Variants in GAD2 observed in about 807,000 individuals in gnomAD.
GAD2 encodes 65 kDa glutamic acid decarboxylase.
Under a neutral mutation model 80.1 loss-of-function variants are expected in GAD2, and 22 were observed. That is an observed-to-expected ratio of 0.27 (90% CI 0.20 to 0.39). The LOEUF (loss-of-function observed/expected upper bound fraction) is 0.39. Among genes scored for constraint, GAD2 ranks in the 10% least tolerant of loss-of-function variants. The pLI, the probability that GAD2 is intolerant of heterozygous loss-of-function variation, is 1.00. For synonymous variants in GAD2, 274 were observed against 256.9 expected (o/e 1.07, Z -0.64); for missense variants, 624 against 738.4 (o/e 0.85, Z 1.80).
chr10:26,232,456 T>C (rs1239511147), intron 7 of GAD2, among the ~76,000 whole-genome samples: 1 of 150,468 alleles, frequency 6.6e-6, no homozygotes, highest in Admixed American at 6.6e-5. Context: ...CCTGATACTG[T>C]AAACTCAGTC....
chr10:26,264,814 G>A (rs540874848), intron 8 of GAD2, among the ~76,000 whole-genome samples: 31 of 152,314 alleles, frequency 2.0e-4, no homozygotes, highest in Non-Finnish European at 4.1e-4. Context: ...CAGGAAGGAT[G>A]TACGCATACT....
intron 13 of GAD2, among the ~76,000 whole-genome samples, chr10:26,288,386 G>A (rs1351072369): frequency 6.6e-6 from 1 of 152,186 alleles, no homozygotes; most frequent in Admixed American, 6.5e-5. Flanking sequence ...AAGCTCCACT[G>A]TGTTGCCTGG....
intron 7 of GAD2, among the ~76,000 whole-genome samples, chr10:26,240,246 A>G (rs184905839): frequency 5.9e-5 from 9 of 152,344 alleles, no homozygotes; most frequent in African/African-American, 2.2e-4. Context: ...TGCACCCTCC[A>G]GTCTAGGGCT....
chr10:26,278,438 CCTTTT>C (rs1395294202), intron 11 of GAD2, among the ~76,000 whole-genome samples: 2 of 152,180 alleles, frequency 1.3e-5, no homozygotes, highest in African/African-American at 4.8e-5. Context: ...TTATTATTCT[CCTTTT>C]CTAGTTGAGG....
chr10:26,251,724 G>T (rs1375406936), intron 8 of GAD2, among the ~76,000 whole-genome samples: 3 of 152,162 alleles, frequency 2.0e-5, no homozygotes, highest in Non-Finnish European at 2.9e-5. Flanking sequence ...CCTTGCAAAA[G>T]ATTTCATCAA....
In GAD2 at chr10:26,271,875, T is replaced by C. The variant is rs182750625; in HGVS notation, c.1092+1119T>C. Among the ~76,000 whole-genome samples, 12 of 152,278 alleles carry C rather than the reference T, an allele frequency of 7.9e-5. No individual in the cohort carries two copies. The East Asian group carries it at 2.1e-3, about 27-fold the overall frequency. ...CCAGGGTTCAAGCAATTCTCCTGCC[T>C]CAGCTTCCTGAGTAGCTGGGATTAC... is the stretch of plus-strand genomic sequence containing the variant. On this transcript the variant is annotated intron_variant, in intron 10 of 15. Coordinates refer to ENST00000376261, the MANE Select transcript of GAD2 (RefSeq NM_001134366.2).
intron 7 of GAD2, among the ~76,000 whole-genome samples, chr10:26,232,359 C>A (rs1023238039): frequency 2.0e-5 from 3 of 152,100 alleles, no homozygotes; most frequent in Non-Finnish European, 4.4e-5. Flanking sequence ...AGCTTCTCAG[C>A]CTCATGCTTT....
chr10:26,235,679 A>T (rs888164874), intron 7 of GAD2, among the ~76,000 whole-genome samples: 2 of 152,206 alleles, frequency 1.3e-5, no homozygotes, highest in Admixed American at 6.5e-5. Flanking sequence ...CTGGAATCTC[A>T]TCCCGTTCCC....
chr10:26,232,260 C>T (rs1038855246), intron 7 of GAD2, among the ~76,000 whole-genome samples: 3 of 152,112 alleles, frequency 2.0e-5, no homozygotes, highest in African/African-American at 7.2e-5. Context: ...TTTCTTTTGG[C>T]TTCCAAGCTG....
At chr10:26,298,133 G>C (rs984568642) in intron 15 of GAD2, among the ~76,000 whole-genome samples, 16 of 152,192 alleles carry the variant, frequency 1.1e-4, no homozygotes, top group Non-Finnish European at 2.1e-4. Context: ...GGTCTGGTTA[G>C]TAAATCAGGG....
At position 26,217,275 on chromosome 10, in the gene GAD2, C is replaced by G. The variant is rs2132267165; in HGVS notation, c.77-335C>G. On this transcript the variant is annotated intron_variant, in intron 1 of 15. Coordinates refer to ENST00000376261, the MANE Select transcript of GAD2 (RefSeq NM_001134366.2). The surrounding 1 kb of genome is among the most constrained non-coding windows in gnomAD (Gnocchi z 4.9). ...TGAGAGATTTCTTTATCTAGAAAGA[C>G]AGTCTGCGAAAAAATGGATAGCTTC... is the stretch of plus-strand genomic sequence containing the variant. Among the ~76,000 whole-genome samples, 1 of 152,180 alleles carries G rather than the reference C, an allele frequency of 6.6e-6. No individual in the cohort carries two copies. The highest frequency in any genetic ancestry group is 1.9e-4 in the East Asian group (1 of 5,176).
At chr10:26,226,204 CT>C (rs1332101718) in intron 6 of GAD2, among the ~76,000 whole-genome samples, 5 of 152,126 alleles carry the variant, frequency 3.3e-5, no homozygotes, top group Non-Finnish European at 5.9e-5. Context: ...ACTAATTTGA[CT>C]AACAGCTAGG....
chr10:26,244,021 AG>A (rs1844775372), intron 7 of GAD2, among the ~76,000 whole-genome samples: 1 of 152,230 alleles, frequency 6.6e-6, no homozygotes, highest in South Asian at 2.1e-4. Flanking sequence ...AATCTCAACA[AG>A]AACAAAAACT....
chr10:26,264,140 G>A (rs935162980), intron 8 of GAD2, among the ~76,000 whole-genome samples: 6 of 152,132 alleles, frequency 3.9e-5, no homozygotes, highest in Admixed American at 3.9e-4. Context: ...GTTAGGCAGA[G>A]TTTGCTTAAT....
chr10:26,277,167 A>G (rs1470182285), intron 11 of GAD2, among the ~76,000 whole-genome samples: 3 of 152,220 alleles, frequency 2.0e-5, no homozygotes, highest in African/African-American at 7.2e-5. Flanking sequence ...CATCGGGCAG[A>G]AATGGAAAAG....
chr10:26,257,659 C>T (rs747457922), intron 8 of GAD2, among the ~76,000 whole-genome samples: 4 of 152,156 alleles, frequency 2.6e-5, no homozygotes, highest in Admixed American at 1.3e-4. Flanking sequence ...GTATTAGCTA[C>T]TAGTACATTT....
intron 7 of GAD2, among the ~76,000 whole-genome samples, chr10:26,232,792 C>G (rs892404569): frequency 6.6e-6 from 1 of 152,148 alleles, no homozygotes; most frequent in Non-Finnish European, 1.5e-5. Flanking sequence ...AGTGAGCCGC[C>G]ACGCCCAGAC....
At position 26,291,171 on chromosome 10, in the gene GAD2, C is replaced by A. The variant is rs546938242; in HGVS notation, c.1387-1294C>A. On this transcript the variant is annotated intron_variant, in intron 13 of 15. Transcript: ENST00000376261. ...TAGATCAGATATGCAAAAGTTTAAA[C>A]CCAACTCCAGACTGGTCCAAAGGAT... is the stretch of plus-strand genomic sequence containing the variant. 8.5e-5 allele frequency among the ~76,000 whole-genome samples: 13 copies of A among 152,336 alleles called. No homozygotes were observed. In the East Asian group the frequency reaches 1.9e-3, roughly 23 times the overall value.
intron 8 of GAD2, among the ~76,000 whole-genome samples, chr10:26,246,805 G>A (rs1844815922): frequency 1.3e-5 from 2 of 152,180 alleles, no homozygotes; most frequent in South Asian, 4.1e-4. Flanking sequence ...ATAGTTACAG[G>A]GTGGAACTGC....
Sources: allele counts gnomAD v4.1 joint callset (sites outside exome capture counted in the v4.1 genomes callset), GRCh38; gene constraint gnomAD v4.1.1; non-coding constraint Gnocchi (gnomAD v3.1); transcripts MANE v1.5; gene names NCBI Gene and HGNC (gene_info 2026-07-23, HGNC 2026-07-21).